The following KLF9 variants were observed in gnomAD, a reference collection of about 807,000 sequenced individuals.
KLF9 encodes the protein KLF transcription factor 9, also known as Krueppel-like factor 9.
Under a neutral mutation model 17.3 loss-of-function variants are expected in KLF9, and 2 were observed. That is an observed-to-expected ratio of 0.12 (90% CI 0.05 to 0.36). The LOEUF (loss-of-function observed/expected upper bound fraction) is 0.36. KLF9 is among the 10% of genes least tolerant of loss of function. The probability of loss-of-function intolerance (pLI) is 1.00; values close to 1 mark genes in which losing one functional copy is unlikely to be tolerated. For missense variants in KLF9, 226 were observed against 333.2 expected (o/e 0.68, Z 2.51); for synonymous variants, 138 against 139.2 (o/e 0.99, Z 0.06).
chr9:70,405,249 G>A (rs960685735), intron 1 of KLF9, among the ~76,000 whole-genome samples: 5 of 152,162 alleles, frequency 3.3e-5, no homozygotes, highest in Non-Finnish European at 7.4e-5. Flanking sequence ...CCCTTTGGGA[G>A]ATACTCCCTT....
chr9:70,405,824 T>G (rs1406310425), intron 1 of KLF9, among the ~76,000 whole-genome samples: 5 of 152,222 alleles, frequency 3.3e-5, no homozygotes, highest in African/African-American at 1.2e-4. Context: ...ATGTTAGTCC[T>G]ATTATTTGCT....
In KLF9 at chr9:70,387,162, T is replaced by A. The variant is rs2037118361; in HGVS notation, c.*614A>T. 1 of 153,766 alleles carries A rather than the reference T, an allele frequency of 6.5e-6. No individual in the cohort carries two copies. The highest frequency in any genetic ancestry group is 2.4e-5 in the African/African-American group (1 of 41,450). 9.5% of individuals were successfully genotyped at this position (153,766 alleles called of 1,614,324 possible). ...AGATGACAGATCATGCTGGAGTAGA[T>A]GTGCTCTTGCTTGCATAAAGACAGC... On this transcript the variant is annotated 3_prime_UTR_variant, in exon 2 of 2. Coordinates refer to ENST00000377126, the MANE Select transcript of KLF9 (RefSeq NM_001206.4).
At chr9:70,394,863 G>C (rs921968080) in intron 1 of KLF9, among the ~76,000 whole-genome samples, 2 of 152,156 alleles carry the variant, frequency 1.3e-5, no homozygotes, top group Non-Finnish European at 2.9e-5. Flanking sequence ...CAAAATGCTT[G>C]CCATGCCTTT....
intron 1 of KLF9, among the ~76,000 whole-genome samples, chr9:70,409,074 A>T (rs11142408): frequency 1.3e-5 from 1 of 74,840 alleles, no homozygotes; most frequent in Non-Finnish European, 3.3e-5. Context: ...ATATATGTGT[A>T]TATATATACA....
At chr9:70,411,548 T>G (rs1455089087) in intron 1 of KLF9, among the ~76,000 whole-genome samples, 1 of 152,178 alleles carries the variant, frequency 6.6e-6, no homozygotes, top group Non-Finnish European at 1.5e-5. Context: ...TCAGTCTGAT[T>G]CCGGTGCCAG....
rs1386462338 is a variant in KLF9 at position 70,412,889 on chromosome 9, G to A, written c.475C>T (p.His159Tyr). ...GCGKVYGKSS[H>Y]LKAHYRVHTG... ...TGCACTCTGTAATGGGCTTTGAGAT[G>A]GGAGGATTTTCCATAGACTTTCCCA... The change falls in exon 1 of 2, where the codon CAT becomes TAT. Residue 159 changes from histidine (H) to tyrosine (Y), a missense_variant. His to Tyr is a moderately conservative substitution (Grantham distance 83). Transcript: ENST00000377126. 2 of 1,607,902 alleles carry A rather than the reference G, an allele frequency of 1.2e-6. No homozygotes were observed. Among genetic ancestry groups the A allele is most frequent in the Non-Finnish European group, 1.7e-6 (2 of 1,176,960 alleles).
intron 1 of KLF9, among the ~76,000 whole-genome samples, chr9:70,395,712 G>A (rs1165268875): frequency 6.6e-6 from 1 of 152,106 alleles, no homozygotes; most frequent in Non-Finnish European, 1.5e-5. Context: ...GGGAAGTCGA[G>A]GCAGGCAGAT....
At chr9:70,390,672 C>T (rs1188213766) in intron 1 of KLF9, among the ~76,000 whole-genome samples, 1 of 152,146 alleles carries the variant, frequency 6.6e-6, no homozygotes. Flanking sequence ...CTCTCTCTCT[C>T]TCTCGTCCTC....
rs189400811 is a variant in KLF9 at position 70,409,143 on chromosome 9, T to C, written c.505+3716A>G. Among the ~76,000 whole-genome samples, 90 of 54,904 alleles carry C rather than the reference T, an allele frequency of 1.6e-3. 3 individuals are homozygous for C. The highest frequency in any genetic ancestry group is 3.1e-3 in the South Asian group (5 of 1,638). 36.0% of individuals were successfully genotyped at this position (54,904 alleles called of 152,430 possible). A position where few individuals can be genotyped will look rare whatever the true frequency, so the allele number is the denominator to read the frequency against. On this transcript the variant is annotated intron_variant, in intron 1 of 1. Coordinates refer to ENST00000377126, the MANE Select transcript of KLF9 (RefSeq NM_001206.4). ...ATATGTATATATGTATACATATATA[T>C]GTATATGTATATATATACACATATA...
intron 1 of KLF9, among the ~76,000 whole-genome samples, chr9:70,399,642 T>A (rs1454626866): frequency 6.6e-6 from 1 of 152,236 alleles, no homozygotes; most frequent in Non-Finnish European, 1.5e-5. Context: ...AAGGACGCCC[T>A]GCACAATAGT....
chr9:70,403,561 T>G (rs1220443981), intron 1 of KLF9, among the ~76,000 whole-genome samples: 1 of 152,160 alleles, frequency 6.6e-6, no homozygotes, highest in African/African-American at 2.4e-5. Flanking sequence ...ACCCCATGAA[T>G]GAGGCTGTAG....
At position 70,412,842 on chromosome 9, in the gene KLF9, A is replaced by C; in HGVS notation, c.505+17T>G. The C allele has an allele frequency of 6.5e-7, 1 of 1,536,088 alleles. No homozygotes were observed. The highest frequency in any genetic ancestry group is 1.4e-5 in the African/African-American group (1 of 72,702). ...AACTAACCCCAGAGCTCCGGGGGAG[A>C]GGGCGACGCCGCTAACCTGTATGCA... On this transcript the variant is annotated intron_variant, in intron 1 of 1. Transcript: ENST00000377126.
At chr9:70,395,012 A>G (rs1351955006) in intron 1 of KLF9, among the ~76,000 whole-genome samples, 1 of 152,216 alleles carries the variant, frequency 6.6e-6, no homozygotes. Flanking sequence ...AAACATGCCC[A>G]ACTTGCCAAG....
chr9:70,392,732 C>A (rs1288501787), intron 1 of KLF9, among the ~76,000 whole-genome samples: 1 of 152,100 alleles, frequency 6.6e-6, no homozygotes, highest in Non-Finnish European at 1.5e-5. Flanking sequence ...TGGGGGAAAC[C>A]AAGTCAGGCC....
intron 1 of KLF9, among the ~76,000 whole-genome samples, chr9:70,397,033 A>G (rs1030267198): frequency 6.6e-6 from 1 of 152,170 alleles, no homozygotes; most frequent in Non-Finnish European, 1.5e-5. Context: ...TAAAAGGAAT[A>G]TATTCCATGG....
intron 1 of KLF9, among the ~76,000 whole-genome samples, chr9:70,390,611 A>G (rs2118907365): frequency 6.6e-6 from 1 of 152,168 alleles, no homozygotes; most frequent in African/African-American, 2.4e-5. Flanking sequence ...GGTGCCAAGC[A>G]TTTGGTAAAT....
chr9:70,399,100 G>C (rs1034667111), intron 1 of KLF9, among the ~76,000 whole-genome samples: 3 of 152,194 alleles, frequency 2.0e-5, no homozygotes, highest in African/African-American at 7.2e-5. Flanking sequence ...CTCCCAAAGT[G>C]CTGGGATTAC....
At chr9:70,409,958 A>G (rs1287479733) in intron 1 of KLF9, among the ~76,000 whole-genome samples, 1 of 152,240 alleles carries the variant, frequency 6.6e-6, no homozygotes, top group African/African-American at 2.4e-5. Context: ...GCATTTCTCA[A>G]GGGGTTACTG....
Position 70,412,962 on chromosome 9 carries a change from C to T in KLF9, c.402G>A (p.Lys134=). ...LSLLHPGVAA[K]GKHASEKRHK... ...GCCTCTTTTCGGAGGCGTGTTTCCCCTTCGCAGCCACTCCAGGATGGAGGA... is the reference window on the plus strand; with the variant it reads ...GCCTCTTTTCGGAGGCGTGTTTCCCTTTCGCAGCCACTCCAGGATGGAGGA... The change falls in exon 1 of 2, where the codon AAG becomes AAA. Residue 134 remains lysine, a synonymous_variant. Transcript: ENST00000377126. 2 of 1,614,212 alleles carry T rather than the reference C, an allele frequency of 1.2e-6. No individual in the cohort carries two copies. Among genetic ancestry groups the T allele is most frequent in the Non-Finnish European group, 1.7e-6 (2 of 1,180,044 alleles).
Sources: allele counts gnomAD v4.1 joint callset (sites outside exome capture counted in the v4.1 genomes callset), GRCh38; gene constraint gnomAD v4.1.1; transcripts MANE v1.5; gene names NCBI Gene and HGNC (gene_info 2026-07-23, HGNC 2026-07-21).